SEC31A: variants seen among roughly 807,000 people sequenced by gnomAD.
SEC31A encodes the protein protein transport protein Sec31A.
A neutral mutation model predicts 151.0 loss-of-function variants in SEC31A; 70 were observed. The ratio of observed to expected loss-of-function variants is 0.46; its 90% confidence interval spans 0.38 to 0.57. The LOEUF (loss-of-function observed/expected upper bound fraction) is 0.57, where lower values mean the gene tolerates loss of function less well. Among genes scored for constraint, SEC31A ranks in the 20% least tolerant of loss-of-function variants. SEC31A has a pLI of 0.00. For synonymous variants in SEC31A, 475 were observed against 505.9 expected (o/e 0.94, Z 0.82); for missense variants, 1,330 against 1,471.2 (o/e 0.90, Z 1.57).
chr4:82,849,117 C>T, intron 19 of SEC31A, 140 bp from the exon 20 acceptor site: 2 of 736,802 alleles, frequency 2.7e-6, no homozygotes, highest in Non-Finnish European at 2.2e-6. Flanking sequence ...GACCCTGACA[C>T]ACAGATTTGA....
intron 8 of SEC31A, among the ~76,000 whole-genome samples, chr4:82,869,296 A>ATTTT (rs747027053): frequency 0.021 from 2,707 of 128,646 alleles, 106 homozygotes; most frequent in African/African-American, 0.074. Context: ...ATTTTTTTGT[A>ATTTT]TTTTTTTTTT....
In SEC31A at chr4:82,878,834, G is replaced by A. The variant is rs745693576; in HGVS notation, c.298C>T (p.Leu100Phe). The A allele has an allele frequency of 6.2e-7, 1 of 1,613,760 alleles. No homozygotes were observed. Among genetic ancestry groups the A allele is most frequent in the Non-Finnish European group, 8.5e-7 (1 of 1,179,710 alleles). ...IAGGENGNII[L>F]YDPSKIIAGD... is the part of the protein sequence containing the mutation. ...GCTATAATTTTAGAAGGATCATAGAGAATAATATTTCCATTTTCACCACCT... is the reference window on the plus strand; with the variant it reads ...GCTATAATTTTAGAAGGATCATAGAAAATAATATTTCCATTTTCACCACCT... Residue 100 changes from leucine to phenylalanine, a missense_variant, in exon 4 of 27, where the codon CTC becomes TTC. Transcript: ENST00000395310.
Position 82,885,977 on chromosome 4 carries a change from T to C in SEC31A, c.-4-4037A>G, listed in dbSNP as rs113042867. ...GCAAATTGTTTATATTTGAAGGAGA[T>C]TTTATAGAGGAAAAAATTAAGACAC... On this transcript the variant is annotated intron_variant, in intron 1 of 26. Transcript: ENST00000395310. Among the ~76,000 whole-genome samples, 770 of 152,218 alleles carry C rather than the reference T, an allele frequency of 5.1e-3. 11 individuals carry two copies. Among genetic ancestry groups the C allele is most frequent in the African/African-American group, 0.018 (727 of 41,526 alleles).
Position 82,849,724 on chromosome 4 carries a change from G to T in SEC31A, c.2329-747C>A, listed in dbSNP as rs79175493. ...TAAGAAAGAGATGAAAATGTTAAAA[G>T]AGATTTTTGAAATAAAGATTAAGAT... On this transcript the variant is annotated intron_variant, in intron 19 of 26. Coordinates refer to ENST00000395310, the MANE Select transcript of SEC31A (RefSeq NM_001077207.4). Among the ~76,000 whole-genome samples the T allele has an allele frequency of 7.4e-3, 1,109 of 150,152 alleles. 16 individuals are homozygous for T. The highest frequency in any genetic ancestry group is 0.01 in the Middle Eastern group (3 of 288).
At position 82,869,382 on chromosome 4, in the gene SEC31A, A is replaced by AAG. The variant is rs1560645198; in HGVS notation, c.882+942_882+943insCT. Among the ~76,000 whole-genome samples the AAG allele has an allele frequency of 1.0e-3, 151 of 151,488 alleles. 1 individual carries two copies. The highest frequency in any genetic ancestry group is 3.5e-3 in the African/African-American group (146 of 41,246). ...CCTGACCTCGTGCTCTGCCCGCCTC[A>AAG]GCCTCCCAAAGTGCTGGGATTACAG... On this transcript the variant is annotated intron_variant, in intron 8 of 26. Coordinates refer to ENST00000395310, the MANE Select transcript of SEC31A (RefSeq NM_001077207.4).
At chr4:82,841,073 T>G (rs375696731) in intron 22 of SEC31A, among the ~76,000 whole-genome samples, 1 of 152,322 alleles carries the variant, frequency 6.6e-6, no homozygotes, top group African/African-American at 2.4e-5. Flanking sequence ...GTAATAACAC[T>G]TAGCTTAAAA....
intron 22 of SEC31A, among the ~76,000 whole-genome samples, chr4:82,834,624 T>C (rs535530461): frequency 1.8e-4 from 28 of 152,310 alleles, no homozygotes; most frequent in African/African-American, 6.5e-4. Context: ...CAATATTTTA[T>C]AATTAAGTAC....
At chr4:82,892,266 T>C (rs1390744927), upstream of SEC31A, among the ~76,000 whole-genome samples, 2 of 152,220 alleles carry the variant, frequency 1.3e-5, no homozygotes, top group African/African-American at 4.8e-5. Flanking sequence ...TCAAACTGAT[T>C]GGGATTTGTT....
rs1371022069 is a variant in SEC31A at position 82,879,797 on chromosome 4, T to G, written c.204-869A>C. 2.0e-5 allele frequency among the ~76,000 whole-genome samples: 3 copies of G among 152,180 alleles called. No individual in the cohort carries two copies. The East Asian group carries it at 5.8e-4, about 29-fold the overall frequency. On this transcript the variant is annotated intron_variant, in intron 3 of 26. Coordinates refer to ENST00000395310, the MANE Select transcript of SEC31A (RefSeq NM_001077207.4). ...AAGACCTCCTTTCTCTGCATTACAATAGGGCATAAGTACTTGAAAGTATGA... is the reference window on the plus strand; with the variant it reads ...AAGACCTCCTTTCTCTGCATTACAAGAGGGCATAAGTACTTGAAAGTATGA...
rs765020726 is a variant in SEC31A, at chr4:82,824,624, A to T, written c.3342T>A (p.Asp1114Glu). 2.5e-5 allele frequency: 40 copies of T among 1,614,004 alleles called. No individual in the cohort carries two copies. The highest frequency in any genetic ancestry group is 4.2e-6 in the Non-Finnish European group (5 of 1,179,986). Reference protein sequence around the residue: ...TKKITKKPIPDEHLILKTTFE... With the variant: ...TKKITKKPIPEEHLILKTTFE... ...ATGTGGTCTTTAGAATGAGGTGCTC[A>T]TCTGGAATAGGTTTCTTGGTAATTT... Residue 1114 changes from aspartate to glutamate, a missense_variant, in exon 25 of 27, where the codon GAT becomes GAA. Asp to Glu is a conservative substitution (Grantham distance 45, BLOSUM62 2). Coordinates refer to ENST00000395310, the MANE Select transcript of SEC31A (RefSeq NM_001077207.4).
At chr4:82,822,212 C>A (rs1419253642) in intron 25 of SEC31A, among the ~76,000 whole-genome samples, 4 of 152,086 alleles carry the variant, frequency 2.6e-5, no homozygotes, top group Admixed American at 2.6e-4. Flanking sequence ...TCATGTAGCT[C>A]ATATCCCACT....
At position 82,858,426 on chromosome 4, in the gene SEC31A, C is replaced by T. The variant is rs559844505; in HGVS notation, c.1627-662G>A. ...GGCGGCAGTGGTGTGCACCTGTAGCCCCACCTACTCGGGAGGCTGAGGCAG... is the reference window on the plus strand; with the variant it reads ...GGCGGCAGTGGTGTGCACCTGTAGCTCCACCTACTCGGGAGGCTGAGGCAG... On this transcript the variant is annotated intron_variant, in intron 14 of 26. Transcript: ENST00000395310. Among the ~76,000 whole-genome samples, 10 of 151,288 alleles carry T rather than the reference C, an allele frequency of 6.6e-5. No individual in the cohort carries two copies. In the South Asian group the frequency reaches 2.1e-3, roughly 32 times the overall value.
chr4:82,883,527 T>C (rs78685128), intron 1 of SEC31A, among the ~76,000 whole-genome samples: 139 of 152,252 alleles, frequency 9.1e-4, no homozygotes, highest in Non-Finnish European at 1.6e-3. Flanking sequence ...TTTTAGATCA[T>C]ACCAACACTA....
chr4:82,838,219 T>G (rs960847570), intron 22 of SEC31A, among the ~76,000 whole-genome samples: 1 of 152,216 alleles, frequency 6.6e-6, no homozygotes, highest in Admixed American at 6.5e-5. Context: ...TTCAGAACAC[T>G]GTTTCATGAG....
chr4:82,828,838 C>G (rs1339452177), intron 23 of SEC31A, among the ~76,000 whole-genome samples, 162 bp downstream of exon 23: 1 of 152,122 alleles, frequency 6.6e-6, no homozygotes, highest in Non-Finnish European at 1.5e-5. Context: ...TACTTCCTTT[C>G]CTTCCTTCCA....
intron 24 of SEC31A, among the ~76,000 whole-genome samples, chr4:82,825,084 ATTC>A (rs1416115718): frequency 6.6e-6 from 1 of 152,228 alleles, no homozygotes; most frequent in Non-Finnish European, 1.5e-5. Flanking sequence ...GCATTCTTCT[ATTC>A]TTTGTTTTAC....
At chr4:82,869,912 T>C (rs1391615032) in intron 8 of SEC31A, among the ~76,000 whole-genome samples, 5 of 152,182 alleles carry the variant, frequency 3.3e-5, no homozygotes, top group Non-Finnish European at 5.9e-5. Context: ...AGAAGAGAGA[T>C]TGGAAAACTG....
intron 22 of SEC31A, among the ~76,000 whole-genome samples, chr4:82,834,105 C>A (rs977334304): frequency 1.3e-5 from 2 of 152,202 alleles, no homozygotes; most frequent in African/African-American, 4.8e-5. Flanking sequence ...ACCTAGCTCT[C>A]CATGTGAGAT....
At chr4:82,857,259 T>C (rs1732874331) in intron 15 of SEC31A, 129 bp from the exon 16 acceptor site, 2 of 742,836 alleles carry the variant, frequency 2.7e-6, no homozygotes, top group East Asian at 5.5e-5. Flanking sequence ...TTCTGATTAC[T>C]AGTGGATTAA....
Sources: gnomAD v4.1 joint callset for allele counts (sites outside exome capture counted in the v4.1 genomes callset) on GRCh38, gnomAD v4.1.1 for gene constraint, MANE v1.5 for transcripts, NCBI Gene and HGNC (gene_info 2026-07-23, HGNC 2026-07-21) for gene names.